The following CAMKMT variants were observed in gnomAD, a reference collection of about 807,000 sequenced individuals.
CAMKMT encodes the protein calmodulin-lysine N-methyltransferase.
In CAMKMT, 53 loss-of-function variants were observed where a neutral mutation model predicts 48.0. The observed-to-expected ratio is 1.10, with a 90% CI of 0.89 to 1.39. The LOEUF (loss-of-function observed/expected upper bound fraction) is 1.39, where lower values mean the gene tolerates loss of function less well. Ranked by LOEUF, CAMKMT falls within the 40% of genes most tolerant of loss-of-function variation. CAMKMT has a pLI of 0.00. For missense variants in CAMKMT, 428 were observed against 402.7 expected, an observed-to-expected ratio of 1.06 and a Z score of -0.54; for synonymous variants, 165 against 152.3, an observed-to-expected ratio of 1.08 and a Z score of -0.61.
chr2:44,612,612 T>A (rs980138846), intron 3 of CAMKMT, among the ~76,000 whole-genome samples: 1 of 152,168 alleles, frequency 6.6e-6, no homozygotes, highest in Non-Finnish European at 1.5e-5. Context: ...CTTTATTAGT[T>A]CCTATCATTA....
chr2:44,632,557 C>G (rs1453520289), intron 3 of CAMKMT, among the ~76,000 whole-genome samples: 4 of 152,036 alleles, frequency 2.6e-5, no homozygotes, highest in Non-Finnish European at 4.4e-5. Context: ...AACTAAAATC[C>G]TACATATCTA....
At chr2:44,755,233 C>G (rs1445856968) in intron 9 of CAMKMT, among the ~76,000 whole-genome samples, 2 of 152,100 alleles carry the variant, frequency 1.3e-5, no homozygotes, top group Non-Finnish European at 2.9e-5. Context: ...ATTCAATTGG[C>G]CTCCTCAGTT....
chr2:44,674,595 A>T (rs186693105), intron 3 of CAMKMT, among the ~76,000 whole-genome samples: 1 of 152,096 alleles, frequency 6.6e-6, no homozygotes, highest in Non-Finnish European at 1.5e-5. Flanking sequence ...ACCTCAACCA[A>T]AGTGCCCTAC....
At chr2:44,426,996 A>G (rs2104525216) in intron 3 of CAMKMT, among the ~76,000 whole-genome samples, 1 of 152,320 alleles carries the variant, frequency 6.6e-6, no homozygotes, top group Non-Finnish European at 1.5e-5. Context: ...GGAACAGAAT[A>G]GAGAATCCTG....
intron 3 of CAMKMT, among the ~76,000 whole-genome samples, chr2:44,661,976 T>TA (rs1254665665): frequency 6.6e-6 from 1 of 152,312 alleles, no homozygotes; most frequent in African/African-American, 2.4e-5. Flanking sequence ...TGCCTTCACC[T>TA]AAAAAATAGC....
At chr2:44,497,638 A>G (rs566719701) in intron 3 of CAMKMT, among the ~76,000 whole-genome samples, 1 of 151,736 alleles carries the variant, frequency 6.6e-6, no homozygotes, top group Admixed American at 6.6e-5. Flanking sequence ...GAATTTTTAT[A>G]CCTCCATATT....
At chr2:44,720,070 G>T (rs904741190) in intron 7 of CAMKMT, among the ~76,000 whole-genome samples, 1 of 152,120 alleles carries the variant, frequency 6.6e-6, no homozygotes, top group Non-Finnish European at 1.5e-5. Flanking sequence ...TGCTTAACAG[G>T]TTTATAGATG....
intron 3 of CAMKMT, among the ~76,000 whole-genome samples, chr2:44,478,965 C>T (rs947158325): frequency 4.6e-5 from 7 of 152,166 alleles, no homozygotes; most frequent in Non-Finnish European, 8.8e-5. Context: ...TCCCAAGGTG[C>T]TGGGATTACA....
At chr2:44,566,993 T>G (rs1164843123) in intron 3 of CAMKMT, among the ~76,000 whole-genome samples, 2 of 152,168 alleles carry the variant, frequency 1.3e-5, no homozygotes, top group Non-Finnish European at 2.9e-5. Flanking sequence ...GGTGTCATTG[T>G]ATAGCCAAAT....
Position 44,420,053 on chromosome 2 carries a change from C to T in CAMKMT, c.376+29748C>T, listed in dbSNP as rs369892557. On this transcript the variant is annotated intron_variant, in intron 3 of 10. Coordinates refer to ENST00000378494, the MANE Select transcript of CAMKMT (RefSeq NM_024766.5). ...CTGATCGCCCAAGTTTAGGTGAATA[C>T]TCAGGAGAGGAAATTACACAATTAT... Among the ~76,000 whole-genome samples, 541 of 152,104 alleles carry T rather than the reference C, an allele frequency of 3.6e-3. 3 individuals are homozygous for T. The highest frequency in any genetic ancestry group is 0.013 in the African/African-American group (522 of 41,484).
chr2:44,553,996 C>G (rs568426429), intron 3 of CAMKMT, among the ~76,000 whole-genome samples: 1 of 152,196 alleles, frequency 6.6e-6, no homozygotes, highest in East Asian at 1.9e-4. Context: ...AAGTGACTTG[C>G]AAATAAAGAA....
intron 3 of CAMKMT, among the ~76,000 whole-genome samples, chr2:44,659,593 G>A (rs886751203): frequency 5.3e-5 from 8 of 151,194 alleles, no homozygotes; most frequent in Admixed American, 1.3e-4. Context: ...AAAATTAGAT[G>A]GAAATTAAAT....
chr2:44,628,047 T>C (rs1198568521), intron 3 of CAMKMT, among the ~76,000 whole-genome samples: 1 of 151,980 alleles, frequency 6.6e-6, no homozygotes, highest in East Asian at 1.9e-4. Flanking sequence ...GCAATCAATG[T>C]TCCCTATTTC....
chr2:44,643,112 T>C (rs967319399), intron 3 of CAMKMT, among the ~76,000 whole-genome samples: 1 of 152,234 alleles, frequency 6.6e-6, no homozygotes, highest in Non-Finnish European at 1.5e-5. Flanking sequence ...GCATTCATTA[T>C]ACTTTTTAAA....
rs542643348 is a variant in CAMKMT at position 44,429,941 on chromosome 2, A to G, written c.376+39636A>G. On this transcript the variant is annotated intron_variant, in intron 3 of 10. Coordinates refer to ENST00000378494, the MANE Select transcript of CAMKMT (RefSeq NM_024766.5). ...TGATAGTGATTATATATATGTGTAT[A>G]TATATGTATTGAGACAAAAATCTCT... 5.3e-5 allele frequency among the ~76,000 whole-genome samples: 8 copies of G among 151,970 alleles called. No individual in the cohort carries two copies. The East Asian group carries it at 1.2e-3, about 22-fold the overall frequency.
At chr2:44,726,117 T>A (rs897839874) in intron 7 of CAMKMT, among the ~76,000 whole-genome samples, 1 of 152,180 alleles carries the variant, frequency 6.6e-6, no homozygotes, top group Non-Finnish European at 1.5e-5. Flanking sequence ...TTTGGTAGAA[T>A]GATTTGTTTT....
intron 3 of CAMKMT, among the ~76,000 whole-genome samples, chr2:44,627,507 C>A (rs1672548835): frequency 6.6e-6 from 1 of 152,004 alleles, no homozygotes; most frequent in South Asian, 2.1e-4. Flanking sequence ...GTGAATCCAT[C>A]TGAACCTGGA....
intron 3 of CAMKMT, among the ~76,000 whole-genome samples, chr2:44,472,385 G>A (rs912911331): frequency 1.3e-5 from 2 of 152,172 alleles, no homozygotes; most frequent in Non-Finnish European, 2.9e-5. Context: ...ATGAGATAAT[G>A]TATATAAAGT....
At chr2:44,734,289 T>A (rs2104351992) in intron 7 of CAMKMT, among the ~76,000 whole-genome samples, 1 of 152,308 alleles carries the variant, frequency 6.6e-6, no homozygotes, top group African/African-American at 2.4e-5. Flanking sequence ...TCAGTTTATG[T>A]TTTCATTTAT....
Sources: gnomAD v4.1 joint callset for allele counts (sites outside exome capture counted in the v4.1 genomes callset) on GRCh38, gnomAD v4.1.1 for gene constraint, MANE v1.5 for transcripts, NCBI Gene and HGNC (gene_info 2026-07-23, HGNC 2026-07-21) for gene names.